SLC24A3: variants seen among roughly 807,000 people sequenced by gnomAD.
SLC24A3 encodes sodium/potassium/calcium exchanger 3.
A neutral mutation model predicts 75.8 loss-of-function variants in SLC24A3; 28 were observed. The ratio of observed to expected loss-of-function variants is 0.37; its 90% confidence interval spans 0.27 to 0.51. SLC24A3 has a LOEUF of 0.51. Ranked by LOEUF, SLC24A3 falls within the 20% of genes least tolerant of loss-of-function variation. The pLI is 0.94. For missense variants in SLC24A3, 663 were observed against 847.8 expected (o/e 0.78, Z 2.71); for synonymous variants, 372 against 334.1 (o/e 1.11, Z -1.24).
At chr20:19,420,368 G>A (rs1417364950) in intron 2 of SLC24A3, among the ~76,000 whole-genome samples, 1 of 96,052 alleles carries the variant, frequency 1.0e-5, no homozygotes, top group Non-Finnish European at 2.0e-5. Context: ...TGGGTCAAAT[G>A]GTATTTCTAG....
At chr20:19,698,933 G>A (rs369262235) in intron 15 of SLC24A3, among the ~76,000 whole-genome samples, 2 of 152,188 alleles carry the variant, frequency 1.3e-5, no homozygotes, top group Admixed American at 6.5e-5. Context: ...GTGGGCCAGA[G>A]GATGTTTATA....
chr20:19,418,276 G>A (rs569718785), intron 2 of SLC24A3, among the ~76,000 whole-genome samples: 10 of 152,282 alleles, frequency 6.6e-5, no homozygotes, highest in Admixed American at 5.2e-4. Context: ...AGGAGAAGTT[G>A]TTGCACCCAT....
At chr20:19,432,626 G>T (rs938419031) in intron 2 of SLC24A3, among the ~76,000 whole-genome samples, 3 of 152,148 alleles carry the variant, frequency 2.0e-5, no homozygotes, top group African/African-American at 7.2e-5. Flanking sequence ...AGAAGCTTGG[G>T]GTCTCTCTTG....
intron 6 of SLC24A3, among the ~76,000 whole-genome samples, chr20:19,639,636 C>T (rs1461464327): frequency 2.0e-5 from 3 of 152,356 alleles, no homozygotes; most frequent in African/African-American, 7.2e-5. Flanking sequence ...AGCCGCACTC[C>T]TCAGCCCTTG....
At chr20:19,295,321 C>A (rs1261409379) in intron 2 of SLC24A3, among the ~76,000 whole-genome samples, 2 of 152,164 alleles carry the variant, frequency 1.3e-5, no homozygotes. Context: ...GACAGTTTGA[C>A]TTCCTCTTCT....
At chr20:19,445,781 A>G (rs1987372870) in intron 2 of SLC24A3, among the ~76,000 whole-genome samples, 1 of 152,192 alleles carries the variant, frequency 6.6e-6, no homozygotes, top group Non-Finnish European at 1.5e-5. Flanking sequence ...CACATGCAGA[A>G]ATCAGACAGA....
At chr20:19,553,616 G>C (rs1195108152) in intron 3 of SLC24A3, among the ~76,000 whole-genome samples, 1 of 152,166 alleles carries the variant, frequency 6.6e-6, no homozygotes, top group African/African-American at 2.4e-5. Context: ...GGTGAGGTGT[G>C]TAAAACTAAT....
At chr20:19,515,628 G>A (rs913285272) in intron 3 of SLC24A3, 64 bp downstream of exon 3, 5 of 1,532,662 alleles carry the variant, frequency 3.3e-6, no homozygotes, top group Non-Finnish European at 4.5e-6. Context: ...TGTGGGGTGT[G>A]GCACCTGAGG....
At chr20:19,223,865 A>G (rs1293595237) in intron 1 of SLC24A3, among the ~76,000 whole-genome samples, 1 of 152,210 alleles carries the variant, frequency 6.6e-6, no homozygotes, top group Non-Finnish European at 1.5e-5. Context: ...CGAGCTGGCT[A>G]CTGAGTGACT....
At chr20:19,274,017 C>T (rs976840296) in intron 1 of SLC24A3, among the ~76,000 whole-genome samples, 11 of 151,108 alleles carry the variant, frequency 7.3e-5, no homozygotes, top group African/African-American at 2.7e-4. Flanking sequence ...CTCAAGTGGG[C>T]AGGTGGCTAG....
At chr20:19,396,040 A>T (rs1314145190) in intron 2 of SLC24A3, among the ~76,000 whole-genome samples, 3 of 152,216 alleles carry the variant, frequency 2.0e-5, no homozygotes, top group Non-Finnish European at 4.4e-5. Flanking sequence ...AATGATTACT[A>T]GGAATTACTT....
rs571213841 is a variant in SLC24A3, at chr20:19,684,982, A to G, written c.1063-118A>G. 3.2e-5 allele frequency: 43 copies of G among 1,323,216 alleles called. No homozygotes were observed. In the African/African-American group the frequency reaches 5.3e-4, roughly 16 times the overall value. The allele number at this position is 1,323,216 out of a possible 1,614,324, so 82.0% of individuals were successfully genotyped here. A position where few individuals can be genotyped will look rare whatever the true frequency, so the allele number is the denominator to read the frequency against. ...GAGAGGCCCCTTAAAACTTGACTCC[A>G]GGGTCTTCTGGAAGCATATCGTCAG... On this transcript the variant is annotated intron_variant, in intron 11 of 16. Coordinates refer to ENST00000328041, the MANE Select transcript of SLC24A3 (RefSeq NM_020689.4).
intron 2 of SLC24A3, among the ~76,000 whole-genome samples, chr20:19,419,822 G>GTTTT (rs571225238): frequency 1.5e-4 from 20 of 136,672 alleles, no homozygotes; most frequent in African/African-American, 4.9e-4. Context: ...CGACAGCCAA[G>GTTTT]TTTTTTTTTT....
chr20:19,588,226 G>A (rs2031326898), intron 6 of SLC24A3, among the ~76,000 whole-genome samples: 1 of 152,154 alleles, frequency 6.6e-6, no homozygotes, highest in Non-Finnish European at 1.5e-5. Flanking sequence ...GCAGTGGAAT[G>A]TTACGGCAAA....
intron 2 of SLC24A3, among the ~76,000 whole-genome samples, chr20:19,384,501 AG>A (rs1986238093): frequency 6.6e-6 from 1 of 152,238 alleles, no homozygotes; most frequent in Non-Finnish European, 1.5e-5. Flanking sequence ...TAGCAAACAA[AG>A]AATTTCCTTC....
intron 2 of SLC24A3, among the ~76,000 whole-genome samples, chr20:19,426,323 C>T (rs1987005626): frequency 6.6e-6 from 1 of 152,170 alleles, no homozygotes; most frequent in Admixed American, 6.5e-5. Flanking sequence ...TGTAAGATTT[C>T]TTGGAGCTAT....
At chr20:19,222,520 C>T (rs546449317) in intron 1 of SLC24A3, among the ~76,000 whole-genome samples, 1 of 152,120 alleles carries the variant, frequency 6.6e-6, no homozygotes, top group Non-Finnish European at 1.5e-5. Context: ...AGAGAAAGAT[C>T]ACTCAGCATC....
At position 19,473,509 on chromosome 20, in the gene SLC24A3, C is replaced by T. The variant is rs369511562; in HGVS notation, c.272-41979C>T. 3.9e-5 allele frequency among the ~76,000 whole-genome samples: 6 copies of T among 152,346 alleles called. No homozygotes were observed. The East Asian group carries it at 7.7e-4, about 20-fold the overall frequency. On this transcript the variant is annotated intron_variant, in intron 2 of 16. Transcript: ENST00000328041. ...GCACTTACTGGAACTACGTTAAGCC[C>T]TTTCTGTAGCTTTCTTTTTTTCATC...
chr20:19,564,422 C>T (rs985893570), intron 3 of SLC24A3, among the ~76,000 whole-genome samples: 1 of 152,158 alleles, frequency 6.6e-6, no homozygotes, highest in African/African-American at 2.4e-5. Context: ...ATCACCATCT[C>T]CTCCTCATCA....
Sources: gnomAD v4.1 joint callset for allele counts (sites outside exome capture counted in the v4.1 genomes callset) on GRCh38, gnomAD v4.1.1 for gene constraint, MANE v1.5 for transcripts, NCBI Gene and HGNC (gene_info 2026-07-23, HGNC 2026-07-21) for gene names.